Variants in DDR2 observed in about 807,000 individuals in gnomAD.
DDR2 encodes discoidin domain-containing receptor 2.
Under a neutral mutation model 94.9 loss-of-function variants are expected in DDR2, and 27 were observed. The ratio of observed to expected loss-of-function variants is 0.28; its 90% CI spans 0.21 to 0.39. The LOEUF (loss-of-function observed/expected upper bound fraction) is 0.39, where lower values mean the gene tolerates loss of function less well. Ranked by LOEUF, DDR2 falls within the 10% of genes least tolerant of loss-of-function variation. The pLI is 1.00. For synonymous variants in DDR2, 382 were observed against 377.2 expected (o/e 1.01, Z -0.15); for missense variants, 783 against 1,076.0 (o/e 0.73, Z 3.81).
intron 3 of DDR2, among the ~76,000 whole-genome samples, chr1:162,751,890 G>A (rs575026202): frequency 6.6e-5 from 10 of 152,228 alleles, no homozygotes; most frequent in South Asian, 2.1e-4. Flanking sequence ...GCAAACTATC[G>A]CAAGGACTGA....
chr1:162,767,659 G>A (rs764130855), intron 11 of DDR2, among the ~76,000 whole-genome samples: 1 of 152,102 alleles, frequency 6.6e-6, no homozygotes, highest in Non-Finnish European at 1.5e-5. Flanking sequence ...ATTTTGGGTA[G>A]AGTCCAGGCA....
chr1:162,726,031 A>G (rs1418216344), intron 3 of DDR2, among the ~76,000 whole-genome samples: 1 of 152,228 alleles, frequency 6.6e-6, no homozygotes, highest in Admixed American at 6.5e-5. Flanking sequence ...CTGGACGAGC[A>G]TGGTCAGAGT....
intron 2 of DDR2, among the ~76,000 whole-genome samples, chr1:162,678,493 A>G (rs1230728208): frequency 6.6e-6 from 1 of 152,222 alleles, no homozygotes; most frequent in Non-Finnish European, 1.5e-5. Flanking sequence ...ACAGTCTTGC[A>G]GAAAGTTAGA....
chr1:162,748,487 C>T (rs965114374), intron 3 of DDR2, among the ~76,000 whole-genome samples: 1 of 152,044 alleles, frequency 6.6e-6, no homozygotes, highest in Admixed American at 6.5e-5. Context: ...ACAGGAGCAC[C>T]CAAATTCATA....
chr1:162,705,594 G>A (rs985313766), intron 2 of DDR2, among the ~76,000 whole-genome samples: 1 of 152,198 alleles, frequency 6.6e-6, no homozygotes, highest in Non-Finnish European at 1.5e-5. Context: ...TAGATTTACA[G>A]TGCCAGGGCT....
At chr1:162,689,461 G>A (rs1659856656) in intron 2 of DDR2, among the ~76,000 whole-genome samples, 1 of 152,180 alleles carries the variant, frequency 6.6e-6, no homozygotes, top group Non-Finnish European at 1.5e-5. Context: ...AAGGCCTAAA[G>A]TCTGTGCTCG....
intron 3 of DDR2, among the ~76,000 whole-genome samples, chr1:162,726,508 G>T (rs779930192): frequency 6.6e-6 from 1 of 152,086 alleles, no homozygotes; most frequent in Non-Finnish European, 1.5e-5. Flanking sequence ...TAGATTCCTA[G>T]TTGTAAAAGG....
At chr1:162,763,966 C>T (rs921363961) in intron 9 of DDR2, among the ~76,000 whole-genome samples, 1 of 152,186 alleles carries the variant, frequency 6.6e-6, no homozygotes, top group Non-Finnish European at 1.5e-5. Flanking sequence ...AGCAACGTAA[C>T]TATTGAACAT....
chr1:162,670,107 TTTTG>T (rs1020451746), intron 2 of DDR2, among the ~76,000 whole-genome samples: 7 of 152,306 alleles, frequency 4.6e-5, no homozygotes, highest in South Asian at 2.1e-4. Context: ...TAAACATTTG[TTTTG>T]TTTGTTTGTT....
At chr1:162,731,260 G>A (rs943189289) in intron 3 of DDR2, among the ~76,000 whole-genome samples, 9 of 152,076 alleles carry the variant, frequency 5.9e-5, no homozygotes, top group Non-Finnish European at 1.3e-4. Context: ...TGACTTCTAG[G>A]AAGCTCAGAG....
chr1:162,719,292 G>A (rs1036030817), intron 3 of DDR2, 147 bp downstream of exon 3: 5 of 1,402,970 alleles, frequency 3.6e-6, no homozygotes, highest in Non-Finnish European at 4.8e-6. Flanking sequence ...ACTAAAATAG[G>A]AAGAAAAATG....
intron 9 of DDR2, among the ~76,000 whole-genome samples, chr1:162,763,583 C>T (rs1022664719): frequency 1.3e-5 from 2 of 151,946 alleles, no homozygotes; most frequent in African/African-American, 4.8e-5. Flanking sequence ...TCCGAAAGAA[C>T]AAGGTATTTC....
chr1:162,679,820 A>G (rs992354328), intron 2 of DDR2, among the ~76,000 whole-genome samples: 9 of 151,956 alleles, frequency 5.9e-5, no homozygotes, highest in African/African-American at 2.2e-4. Context: ...TTTTAATAAT[A>G]GCTATTCTGA....
In DDR2 at chr1:162,780,335, A is replaced by G; in HGVS notation, c.*89A>G. The G allele has an allele frequency of 6.3e-7, 1 of 1,584,140 alleles. No homozygotes were observed. Among genetic ancestry groups the G allele is most frequent in the Non-Finnish European group, 8.6e-7 (1 of 1,160,414 alleles). ...CATGCCTATGCCACTCCATCTGGACATTTAATGAAACTGAGAGACAGAGGC... is the reference window on the plus strand; with the variant it reads ...CATGCCTATGCCACTCCATCTGGACGTTTAATGAAACTGAGAGACAGAGGC... On this transcript the variant is annotated 3_prime_UTR_variant, in exon 18 of 18. Transcript: ENST00000367921.
intron 2 of DDR2, among the ~76,000 whole-genome samples, chr1:162,692,335 A>G (rs1659994717): frequency 6.6e-6 from 1 of 152,246 alleles, no homozygotes; most frequent in Non-Finnish European, 1.5e-5. Flanking sequence ...CATTAAAGTG[A>G]AGAATTTATG....
chr1:162,745,759 C>A (rs1309656924), intron 3 of DDR2, among the ~76,000 whole-genome samples: 3 of 152,110 alleles, frequency 2.0e-5, no homozygotes, highest in African/African-American at 7.2e-5. Flanking sequence ...ATACTTCTGA[C>A]TGATTTCTTC....
chr1:162,633,377 T>A (rs1400159212), intron 1 of DDR2, among the ~76,000 whole-genome samples: 1 of 152,122 alleles, frequency 6.6e-6, no homozygotes, highest in Non-Finnish European at 1.5e-5. Context: ...GACCAGCCAT[T>A]TGAGGCAAGA....
At chr1:162,644,208 G>T (rs1376759404) in intron 1 of DDR2, among the ~76,000 whole-genome samples, 2 of 152,088 alleles carry the variant, frequency 1.3e-5, no homozygotes, top group Non-Finnish European at 2.9e-5. Flanking sequence ...CTACTTTTTA[G>T]CATTTTTAAA....
intron 2 of DDR2, among the ~76,000 whole-genome samples, chr1:162,703,421 A>G (rs1660518308): frequency 6.6e-6 from 1 of 152,138 alleles, no homozygotes; most frequent in Admixed American, 6.5e-5. Flanking sequence ...AGTGTGAGGG[A>G]GGAAGAGAGG....
Sources: gnomAD v4.1 joint callset for allele counts (sites outside exome capture counted in the v4.1 genomes callset) on GRCh38, gnomAD v4.1.1 for gene constraint, MANE v1.5 for transcripts, NCBI Gene and HGNC (gene_info 2026-07-23, HGNC 2026-07-21) for gene names.